CTNNA2: variants seen among roughly 807,000 people sequenced by gnomAD.
CTNNA2 encodes catenin alpha 2, also known as catenin alpha-2.
In CTNNA2, 42 loss-of-function variants were observed where a neutral mutation model predicts 101.0. The observed-to-expected ratio is 0.42, with a 90% confidence interval of 0.32 to 0.54. The LOEUF (loss-of-function observed/expected upper bound fraction) is 0.54. Among genes scored for constraint, CTNNA2 ranks in the 20% least tolerant of loss-of-function variants. CTNNA2 has a pLI of 0.14. For synonymous variants in CTNNA2, 450 were observed against 456.4 expected (o/e 0.99, Z 0.18); for missense variants, 871 against 1,223.1 (o/e 0.71, Z 4.29).
intron 7 of CTNNA2, among the ~76,000 whole-genome samples, chr2:80,256,964 T>C (rs939663484): frequency 6.6e-6 from 1 of 152,184 alleles, no homozygotes; most frequent in African/African-American, 2.4e-5. Context: ...CCCATTTTAC[T>C]GGGGCTTCAT....
chr2:79,454,733 G>A (rs943679177), intron 4 of CTNNA2, among the ~76,000 whole-genome samples: 3 of 138,746 alleles, frequency 2.2e-5, no homozygotes, highest in Non-Finnish European at 3.2e-5. Context: ...AGACTCATAA[G>A]AGAAACCTAA....
chr2:80,285,455 T>TTC (rs1305796855), intron 7 of CTNNA2, among the ~76,000 whole-genome samples: 1 of 152,156 alleles, frequency 6.6e-6, no homozygotes, highest in Non-Finnish European at 1.5e-5. Flanking sequence ...AACTAACACT[T>TTC]TAAGATCAAG....
At chr2:79,954,191 A>G (rs988591111) in intron 7 of CTNNA2, among the ~76,000 whole-genome samples, 3 of 152,186 alleles carry the variant, frequency 2.0e-5, no homozygotes, top group African/African-American at 4.8e-5. Context: ...GAATTCACTC[A>G]CTATCATGAG....
At chr2:80,314,344 T>C (rs1558997656) in intron 7 of CTNNA2, among the ~76,000 whole-genome samples, 1 of 152,248 alleles carries the variant, frequency 6.6e-6, no homozygotes, top group Non-Finnish European at 1.5e-5. Context: ...TATTGTGAAC[T>C]GTATTCAGCT....
intron 3 of CTNNA2, among the ~76,000 whole-genome samples, chr2:79,802,129 G>A (rs1023294627): frequency 6.6e-6 from 1 of 152,084 alleles, no homozygotes; most frequent in Non-Finnish European, 1.5e-5. Context: ...CTGCATCCTA[G>A]GAGAAATTGC....
At chr2:79,305,369 T>TAC (rs143608398) in intron 2 of CTNNA2, among the ~76,000 whole-genome samples, 15,562 of 141,100 alleles carry the variant, frequency 0.11, 992 homozygotes, top group Middle Eastern at 0.23. Context: ...TACATATATA[T>TAC]ACACATATAT....
chr2:79,212,038 A>G (rs530365212), intron 2 of CTNNA2, among the ~76,000 whole-genome samples: 1 of 152,266 alleles, frequency 6.6e-6, no homozygotes, highest in Non-Finnish European at 1.5e-5. Flanking sequence ...TGAAAAACTA[A>G]ATGGATTAAA....
intron 7 of CTNNA2, among the ~76,000 whole-genome samples, chr2:80,125,929 C>T (rs193106866): frequency 7.8e-4 from 118 of 152,208 alleles, no homozygotes; most frequent in African/African-American, 2.7e-3. Context: ...ATGGGAATAC[C>T]GAAGCACCTG....
intron 1 of CTNNA2, among the ~76,000 whole-genome samples, chr2:79,520,951 A>G (rs553709945): frequency 6.6e-6 from 1 of 151,304 alleles, no homozygotes; most frequent in Admixed American, 6.6e-5. Context: ...CGATCCAGAA[A>G]CTCCACTCCC....
chr2:79,400,324 G>C (rs935767663), intron 4 of CTNNA2, among the ~76,000 whole-genome samples: 4 of 151,952 alleles, frequency 2.6e-5, no homozygotes, highest in African/African-American at 9.7e-5. Flanking sequence ...TTTAGGAATA[G>C]AATGGGAGGC....
intron 12 of CTNNA2, among the ~76,000 whole-genome samples, chr2:80,566,099 G>C (rs1294770656): frequency 6.6e-6 from 1 of 152,070 alleles, no homozygotes; most frequent in Non-Finnish European, 1.5e-5. Context: ...TTTACTGATA[G>C]TTTTACTTAT....
intron 9 of CTNNA2, among the ~76,000 whole-genome samples, chr2:80,440,627 G>T (rs1168970513): frequency 7.0e-6 from 1 of 143,392 alleles, no homozygotes; most frequent in East Asian, 2.0e-4. Context: ...ACTGGATAAA[G>T]TTGATGAAGG....
chr2:79,598,687 T>G (rs1677355364), intron 1 of CTNNA2, among the ~76,000 whole-genome samples: 2 of 152,234 alleles, frequency 1.3e-5, no homozygotes, highest in South Asian at 4.1e-4. Flanking sequence ...TAAGAATTCT[T>G]TGGATATTTT....
intron 2 of CTNNA2, among the ~76,000 whole-genome samples, chr2:79,707,584 T>TC (rs1162384436): frequency 3.9e-5 from 6 of 152,354 alleles, no homozygotes; most frequent in South Asian, 2.1e-4. Context: ...TGTGACTTTT[T>TC]CTGCAGTGGC....
At chr2:79,411,355 T>TG in intron 4 of CTNNA2, among the ~76,000 whole-genome samples, 1 of 152,184 alleles carries the variant, frequency 6.6e-6, no homozygotes, top group South Asian at 2.1e-4. Flanking sequence ...TTTGAATGTG[T>TG]TTGCTCTTGC....
intron 1 of CTNNA2, among the ~76,000 whole-genome samples, chr2:79,578,857 T>C (rs1420150384): frequency 6.6e-6 from 1 of 152,100 alleles, no homozygotes; most frequent in Non-Finnish European, 1.5e-5. Flanking sequence ...TCTTTTTGTG[T>C]CTTAAATGTG....
In CTNNA2 at chr2:80,215,201, G is replaced by T. The variant is rs370074600; in HGVS notation, c.1057-178010G>T. 2.0e-4 allele frequency among the ~76,000 whole-genome samples: 31 copies of T among 152,168 alleles called. No homozygotes were observed. In the South Asian group the frequency reaches 6.2e-3, roughly 31 times the overall value. The stretch of plus-strand genomic sequence containing the variant: ...TTTTTAGCTTCTTTACAATGGGTTA[G>T]AACATCCTCCTTTAGTTCGGAGAAG... On this transcript the variant is annotated intron_variant, in intron 7 of 18. Coordinates refer to ENST00000402739, the MANE Select transcript of CTNNA2 (RefSeq NM_001282597.3).
intron 2 of CTNNA2, among the ~76,000 whole-genome samples, chr2:79,269,893 C>T (rs1028760900): frequency 3.9e-5 from 6 of 152,094 alleles, no homozygotes; most frequent in African/African-American, 7.2e-5. Context: ...GAAATGCTGT[C>T]AGAGAGATAA....
chr2:79,654,796 A>T (rs918656539), intron 2 of CTNNA2, among the ~76,000 whole-genome samples: 8 of 151,070 alleles, frequency 5.3e-5, no homozygotes, highest in African/African-American at 2.0e-4. Flanking sequence ...TTTCTGCAAG[A>T]AGCACCTAAT....
Sources: gnomAD v4.1 joint callset for allele counts (sites outside exome capture counted in the v4.1 genomes callset) on GRCh38, gnomAD v4.1.1 for gene constraint, MANE v1.5 for transcripts, NCBI Gene and HGNC (gene_info 2026-07-23, HGNC 2026-07-21) for gene names.